CNTN4: variants seen among roughly 807,000 people sequenced by gnomAD.
CNTN4 encodes contactin 4, also known as contactin-4.
Under a neutral mutation model 122.5 loss-of-function variants are expected in CNTN4, and 77 were observed. That is an observed-to-expected ratio of 0.63 (90% CI 0.52 to 0.76). The LOEUF (loss-of-function observed/expected upper bound fraction) is 0.76. Among genes scored for constraint, CNTN4 ranks in the 30% least tolerant of loss-of-function variants. The pLI, the probability that CNTN4 is intolerant of heterozygous loss-of-function variation, is 0.00. For synonymous variants in CNTN4, 512 were observed against 447.0 expected (o/e 1.15, Z -1.83); for missense variants, 1,256 against 1,259.1 (o/e 1.00, Z 0.04).
intron 13 of CNTN4, among the ~76,000 whole-genome samples, chr3:2,937,641 C>T (rs1292504970): frequency 6.6e-6 from 1 of 152,174 alleles, no homozygotes; most frequent in African/African-American, 2.4e-5. Flanking sequence ...AATTCAGCTA[C>T]TGTGACCATG....
chr3:2,663,503 A>C (rs2084004940), intron 4 of CNTN4, among the ~76,000 whole-genome samples: 1 of 152,046 alleles, frequency 6.6e-6, no homozygotes, highest in South Asian at 2.1e-4. Context: ...AGGAACTCAT[A>C]AGGGTCTGAA....
intron 4 of CNTN4, among the ~76,000 whole-genome samples, chr3:2,684,114 C>T (rs2085309030): frequency 6.6e-6 from 1 of 152,142 alleles, no homozygotes; most frequent in Non-Finnish European, 1.5e-5. Context: ...AATATTTATT[C>T]CTTTGGTTTC....
At chr3:2,243,464 T>C (rs1412664872) in intron 2 of CNTN4, among the ~76,000 whole-genome samples, 1 of 152,104 alleles carries the variant, frequency 6.6e-6, no homozygotes, top group Non-Finnish European at 1.5e-5. Flanking sequence ...GCTTTTATTG[T>C]GGCCTGAGAC....
intron 3 of CNTN4, among the ~76,000 whole-genome samples, chr3:2,366,011 T>A (rs1361179794): frequency 6.6e-6 from 1 of 152,188 alleles, no homozygotes; most frequent in African/African-American, 2.4e-5. Flanking sequence ...TATTTATCCT[T>A]TGGGGGTGAG....
At position 2,367,482 on chromosome 3, in the gene CNTN4, C is replaced by G. The variant is rs13091521; in HGVS notation, c.-89+28249C>G. On this transcript the variant is annotated intron_variant, in intron 3 of 24. Coordinates refer to ENST00000418658, the MANE Select transcript of CNTN4 (RefSeq NM_175607.3). ...GGATAAGTGAAGTTAGAATATCTTT[C>G]TACTGATGGAAAAATGTCACTTGGC... Among the ~76,000 whole-genome samples the G allele has an allele frequency of 5.0e-3, 759 of 152,230 alleles. 10 individuals are homozygous for G. Among genetic ancestry groups the G allele is most frequent in the African/African-American group, 0.016 (682 of 41,542 alleles).
chr3:2,509,916 T>G (rs550471362), intron 3 of CNTN4, among the ~76,000 whole-genome samples: 1 of 152,200 alleles, frequency 6.6e-6, no homozygotes, highest in Non-Finnish European at 1.5e-5. Flanking sequence ...ATTGGCACCA[T>G]GAAGACAAAA....
intron 2 of CNTN4, among the ~76,000 whole-genome samples, chr3:2,294,952 T>C (rs967202771): frequency 1.1e-4 from 17 of 152,058 alleles, no homozygotes; most frequent in East Asian, 7.8e-4. Flanking sequence ...CTTGTGATAG[T>C]TTGCTGAGAA....
chr3:2,916,314 A>G (rs1350853100), intron 12 of CNTN4, among the ~76,000 whole-genome samples: 1 of 151,146 alleles, frequency 6.6e-6, no homozygotes, highest in Non-Finnish European at 1.5e-5. Flanking sequence ...CAAGTGAACA[A>G]GGGTCTCTGG....
chr3:3,004,765 G>A (rs1278906763), intron 14 of CNTN4, among the ~76,000 whole-genome samples: 1 of 152,210 alleles, frequency 6.6e-6, no homozygotes, highest in South Asian at 2.1e-4. Context: ...GAGAACCCCA[G>A]TGTCTGGCCA....
chr3:2,679,490 A>C (rs557835357), intron 4 of CNTN4, among the ~76,000 whole-genome samples: 1 of 152,210 alleles, frequency 6.6e-6, no homozygotes, highest in East Asian at 1.9e-4. Flanking sequence ...TCTGAGGGGC[A>C]TGGAAGTGTG....
At chr3:2,651,950 AC>A (rs985473184) in intron 4 of CNTN4, among the ~76,000 whole-genome samples, 3 of 149,724 alleles carry the variant, frequency 2.0e-5, no homozygotes, top group African/African-American at 7.4e-5. Flanking sequence ...CAGGTGATCC[AC>A]CCGCCTTGGC....
chr3:2,376,639 A>G (rs1490482213), intron 3 of CNTN4, among the ~76,000 whole-genome samples: 1 of 139,222 alleles, frequency 7.2e-6, no homozygotes, highest in Non-Finnish European at 1.5e-5. Context: ...CTCAATTTTC[A>G]TGTTCTGTTT....
chr3:2,260,713 C>A (rs1476186), intron 2 of CNTN4, among the ~76,000 whole-genome samples: 88,256 of 149,884 alleles, frequency 0.59, 26,693 homozygotes, highest in South Asian at 0.74. Flanking sequence ...CTTTTCTTTT[C>A]TTTTTATTTT....
intron 10 of CNTN4, among the ~76,000 whole-genome samples, chr3:2,890,047 G>A (rs1453691555): frequency 1.3e-5 from 2 of 152,208 alleles, no homozygotes; most frequent in Admixed American, 1.3e-4. Flanking sequence ...AAATTTGCCT[G>A]CTTTCTGAAG....
chr3:2,150,696 T>G (rs145905340), intron 2 of CNTN4, among the ~76,000 whole-genome samples: 107 of 152,340 alleles, frequency 7.0e-4, no homozygotes, highest in African/African-American at 2.5e-3. Flanking sequence ...TTATTTTTCT[T>G]GGTTTTACTC....
chr3:2,423,374 C>A (rs570226879), intron 3 of CNTN4, among the ~76,000 whole-genome samples: 5 of 152,118 alleles, frequency 3.3e-5, no homozygotes, highest in Admixed American at 3.3e-4. Flanking sequence ...TTTTGTGTAC[C>A]TGTCAGTTTA....
At chr3:2,604,334 A>T (rs1020101031) in intron 4 of CNTN4, among the ~76,000 whole-genome samples, 2 of 152,112 alleles carry the variant, frequency 1.3e-5, no homozygotes, top group African/African-American at 4.8e-5. Flanking sequence ...TCACCAGAGG[A>T]AAGATGTTTT....
chr3:2,871,677 T>C (rs1190381655), intron 8 of CNTN4, among the ~76,000 whole-genome samples: 4 of 152,290 alleles, frequency 2.6e-5, no homozygotes, highest in African/African-American at 9.6e-5. Flanking sequence ...AAAAATGGCA[T>C]CAGGACAGAT....
chr3:2,921,182 C>A (rs1429342523), intron 12 of CNTN4, among the ~76,000 whole-genome samples: 1 of 152,194 alleles, frequency 6.6e-6, no homozygotes, highest in African/African-American at 2.4e-5. Context: ...GGGCTACAGG[C>A]ATTCACCACT....
Sources: allele counts gnomAD v4.1 joint callset (sites outside exome capture counted in the v4.1 genomes callset), GRCh38; gene constraint gnomAD v4.1.1; transcripts MANE v1.5; gene names NCBI Gene and HGNC (gene_info 2026-07-23, HGNC 2026-07-21).